Variants in SLC4A4 observed in about 807,000 individuals in gnomAD.
SLC4A4 encodes the protein electrogenic sodium bicarbonate cotransporter 1.
SLC4A4 carries 27 observed loss-of-function variants against 111.5 expected under a neutral mutation model. The observed-to-expected ratio is 0.24, with a 90% CI of 0.18 to 0.33. SLC4A4 has a LOEUF of 0.33. Ranked by LOEUF, SLC4A4 falls within the 10% of genes least tolerant of loss-of-function variation. The probability of loss-of-function intolerance (pLI) is 1.00; values close to 1 mark genes in which losing one functional copy is unlikely to be tolerated. For missense variants in SLC4A4, 909 were observed against 1,315.5 expected (o/e 0.69, Z 4.78); for synonymous variants, 443 against 463.4 (o/e 0.96, Z 0.57).
In SLC4A4 at chr4:71,557,735, T is replaced by C; in HGVS notation, c.2787T>C (p.Leu929=). ...GVQFMDRLKL[L]LMPLKHQPDF... is the part of the protein sequence containing the mutation. ...AGTTCATGGATCGTCTGAAGCTGCT[T>C]CTGATGCCTCTGAAGCATCAGCCTG... The change falls in exon 22 of 26, where the codon CTT becomes CTC. Residue 929 remains leucine (L), a synonymous_variant. Coordinates refer to ENST00000264485, the MANE Select transcript of SLC4A4 (RefSeq NM_001098484.3). 1 of 1,612,786 alleles carries C rather than the reference T, an allele frequency of 6.2e-7. No individual in the cohort carries two copies. Among genetic ancestry groups the C allele is most frequent in the Non-Finnish European group, 8.5e-7 (1 of 1,179,224 alleles).
chr4:71,262,245 G>T (rs182839680), intron 3 of SLC4A4, among the ~76,000 whole-genome samples: 3 of 152,104 alleles, frequency 2.0e-5, no homozygotes, highest in African/African-American at 7.2e-5. Context: ...AAAGAACAAG[G>T]GTTCTTAATA....
intron 7 of SLC4A4, among the ~76,000 whole-genome samples, chr4:71,426,883 T>A (rs1723192273): frequency 6.6e-6 from 1 of 152,132 alleles, no homozygotes; most frequent in African/African-American, 2.4e-5. Flanking sequence ...GTTACAGCTG[T>A]AAAATATGGT....
chr4:71,103,362 C>T (rs1199340073), intron 2 of SLC4A4, among the ~76,000 whole-genome samples: 9 of 152,090 alleles, frequency 5.9e-5, no homozygotes, highest in East Asian at 1.9e-4. Context: ...GACAGATCAA[C>T]GAGACAGAAA....
At chr4:71,322,357 G>A (rs1194046529) in intron 3 of SLC4A4, among the ~76,000 whole-genome samples, 2 of 151,952 alleles carry the variant, frequency 1.3e-5, no homozygotes, top group Non-Finnish European at 2.9e-5. Context: ...TATGCATTTT[G>A]ACAGAGAGTC....
chr4:71,208,724 A>G (rs1717946595), intron 1 of SLC4A4, among the ~76,000 whole-genome samples: 1 of 151,980 alleles, frequency 6.6e-6, no homozygotes, highest in Non-Finnish European at 1.5e-5. Context: ...TCTATTTTAA[A>G]TCACCTTTCT....
intron 18 of SLC4A4, among the ~76,000 whole-genome samples, chr4:71,545,563 T>C (rs1735448399): frequency 6.6e-6 from 1 of 152,054 alleles, no homozygotes; most frequent in Admixed American, 6.6e-5. Context: ...ATTTATTTAA[T>C]GAGTAAAAAA....
intron 16 of SLC4A4, among the ~76,000 whole-genome samples, chr4:71,503,429 C>T (rs1172675645): frequency 6.6e-6 from 1 of 151,838 alleles, no homozygotes; most frequent in Non-Finnish European, 1.5e-5. Flanking sequence ...TGGTGCTAAG[C>T]TTTGTTTCTT....
intron 7 of SLC4A4, 117 bp downstream of exon 7, chr4:71,397,770 C>T (rs1013122475): frequency 5.5e-5 from 48 of 866,974 alleles, no homozygotes; most frequent in Non-Finnish European, 7.4e-5. Flanking sequence ...GTGCAGACAA[C>T]AGTTTGCACT....
chr4:71,468,464 CT>C (rs943333261), intron 13 of SLC4A4, among the ~76,000 whole-genome samples: 13 of 151,728 alleles, frequency 8.6e-5, no homozygotes, highest in South Asian at 6.2e-4. Context: ...CTCGTTCTCC[CT>C]TTTTTTTCTA....
chr4:71,338,910 G>A (rs1003790625), intron 3 of SLC4A4: 26 of 422,782 alleles, frequency 6.1e-5, no homozygotes, highest in Non-Finnish European at 8.8e-5. Flanking sequence ...TTAGGCATTG[G>A]ACAGAGGGAG....
intron 2 of SLC4A4, among the ~76,000 whole-genome samples, chr4:71,241,320 T>G (rs566831816): frequency 6.6e-6 from 1 of 152,084 alleles, no homozygotes; most frequent in Admixed American, 6.6e-5. Flanking sequence ...TTTATCAAAC[T>G]TTTTCATTCT....
In SLC4A4 at chr4:71,203,210, A is replaced by T. The variant is rs78183512; in HGVS notation, c.-2+15809A>T. Among the ~76,000 whole-genome samples, 621 of 152,260 alleles carry T rather than the reference A, an allele frequency of 4.1e-3. 5 individuals carry two copies. Among genetic ancestry groups the T allele is most frequent in the African/African-American group, 0.014 (599 of 41,570 alleles). ...AGAAAGATGACTTTTAAAACTGTGTATTTAGGGGATTAAAATACATAAACC... is the reference window on the plus strand; with the variant it reads ...AGAAAGATGACTTTTAAAACTGTGTTTTTAGGGGATTAAAATACATAAACC... On this transcript the variant is annotated intron_variant, in intron 1 of 25. Coordinates refer to ENST00000264485, the MANE Select transcript of SLC4A4 (RefSeq NM_001098484.3).
chr4:71,291,000 G>A (rs1008769419), intron 3 of SLC4A4, among the ~76,000 whole-genome samples: 1 of 152,230 alleles, frequency 6.6e-6, no homozygotes, highest in Non-Finnish European at 1.5e-5. Context: ...TTACATGGAA[G>A]TGGAGGCACC....
intron 1 of SLC4A4, among the ~76,000 whole-genome samples, chr4:71,077,782 T>C (rs185635964): frequency 6.6e-6 from 1 of 152,298 alleles, no homozygotes; most frequent in East Asian, 1.9e-4. Context: ...GAAAGCAAGA[T>C]TTGCTATGGA....
chr4:71,394,379 G>A (rs1002429245), intron 6 of SLC4A4, among the ~76,000 whole-genome samples: 3 of 151,944 alleles, frequency 2.0e-5, no homozygotes, highest in African/African-American at 4.8e-5. Flanking sequence ...ATATGCAAAT[G>A]GCCCAACAAA....
intron 2 of SLC4A4, among the ~76,000 whole-genome samples, chr4:71,165,646 A>G (rs1744723969): frequency 6.6e-6 from 1 of 152,194 alleles, no homozygotes; most frequent in African/African-American, 2.4e-5. Flanking sequence ...TGGCACATGT[A>G]TAGCTATGTA....
intron 6 of SLC4A4, among the ~76,000 whole-genome samples, chr4:71,378,482 G>A (rs1717752410): frequency 6.6e-6 from 1 of 152,090 alleles, no homozygotes; most frequent in Admixed American, 6.5e-5. Flanking sequence ...GGAGACTTCT[G>A]AAGTATACTA....
At chr4:71,348,442 T>G (rs532776583) in intron 4 of SLC4A4, among the ~76,000 whole-genome samples, 4 of 152,242 alleles carry the variant, frequency 2.6e-5, no homozygotes, top group African/African-American at 9.6e-5. Context: ...AGAACTTCTT[T>G]GGTGCTATCG....
At chr4:71,423,265 G>A (rs897305519) in intron 7 of SLC4A4, among the ~76,000 whole-genome samples, 2 of 152,022 alleles carry the variant, frequency 1.3e-5, no homozygotes, top group African/African-American at 4.8e-5. Flanking sequence ...AAAATACCTA[G>A]GAATCCACCT....
Sources: gnomAD v4.1 joint callset for allele counts (sites outside exome capture counted in the v4.1 genomes callset) on GRCh38, gnomAD v4.1.1 for gene constraint, MANE v1.5 for transcripts, NCBI Gene and HGNC (gene_info 2026-07-23, HGNC 2026-07-21) for gene names.